Variants in OXR1 observed in about 807,000 individuals in gnomAD.
OXR1 encodes the protein oxidation resistance 1.
A neutral mutation model predicts 104.6 loss-of-function variants in OXR1; 41 were observed. The observed-to-expected ratio is 0.39, with a 90% CI of 0.31 to 0.51. The LOEUF (loss-of-function observed/expected upper bound fraction) is 0.51. Ranked by LOEUF, OXR1 falls within the 20% of genes least tolerant of loss-of-function variation. The pLI is 0.77. For synonymous variants in OXR1, 348 were observed against 348.4 expected (o/e 1.00, Z 0.01); for missense variants, 955 against 1,031.9 (o/e 0.93, Z 1.02).
At chr8:106,694,710 ATATAAATATATTTT>A (rs1228278185) in intron 7 of OXR1, among the ~76,000 whole-genome samples, 6 of 109,028 alleles carry the variant, frequency 5.5e-5, no homozygotes, top group East Asian at 5.6e-4. Flanking sequence ...TATATTTAAT[ATATAAATATATTTT>A]TATATATTTA....
chr8:106,392,291 G>A (rs766457799), intron 2 of OXR1, among the ~76,000 whole-genome samples: 42 of 152,312 alleles, frequency 2.8e-4, no homozygotes, highest in Admixed American at 7.2e-4. Context: ...CTCTAGTGGA[G>A]GACAATGGAA....
At chr8:106,499,250 T>A (rs895805195) in intron 2 of OXR1, among the ~76,000 whole-genome samples, 2 of 152,126 alleles carry the variant, frequency 1.3e-5, no homozygotes, top group Non-Finnish European at 2.9e-5. Flanking sequence ...ATAATTTTGC[T>A]TGGGAGATGA....
At chr8:106,668,830 G>A (rs1006166939) in intron 3 of OXR1, among the ~76,000 whole-genome samples, 1 of 152,130 alleles carries the variant, frequency 6.6e-6, no homozygotes, top group East Asian at 1.9e-4. Context: ...TGTCACTTAC[G>A]CAGTCTGCAG....
chr8:106,276,011 C>T (rs1812022197), intron 1 of OXR1, among the ~76,000 whole-genome samples: 1 of 152,146 alleles, frequency 6.6e-6, no homozygotes, highest in African/African-American at 2.4e-5. Context: ...GGCTTTCAGT[C>T]TTCTTTATAA....
At chr8:106,433,796 T>G (rs1424040639) in intron 2 of OXR1, among the ~76,000 whole-genome samples, 1 of 152,228 alleles carries the variant, frequency 6.6e-6, no homozygotes, top group East Asian at 1.9e-4. Context: ...ATTTCACTAT[T>G]GCTAGATTGT....
rs1167449283 is a variant in OXR1 at position 106,338,311 on chromosome 8, T to C, written c.-138-21165T>C. 2.2e-4 allele frequency among the ~76,000 whole-genome samples: 33 copies of C among 152,098 alleles called. 1 individual carries two copies. Among genetic ancestry groups the C allele is most frequent in the African/African-American group, 6.7e-4 (28 of 41,492 alleles). ...TAATCTAGGGCTGGGCGTGGTGGCT[T>C]ATACCTGTAATCCCAGCACTTTGGG... On this transcript the variant is annotated intron_variant, in intron 1 of 16. Transcript: ENST00000517566.
At chr8:106,474,129 T>G (rs1442743969) in intron 2 of OXR1, among the ~76,000 whole-genome samples, 1 of 144,192 alleles carries the variant, frequency 6.9e-6, no homozygotes, top group African/African-American at 2.5e-5. Flanking sequence ...TAAAGTTTTG[T>G]TTTTTTTTTT....
intron 1 of OXR1, among the ~76,000 whole-genome samples, chr8:106,347,935 C>T (rs951590147): frequency 2.6e-5 from 4 of 152,106 alleles, no homozygotes; most frequent in African/African-American, 7.2e-5. Context: ...TTCTGATGAA[C>T]CTTGTTATAG....
chr8:106,548,783 TTAA>T (rs1345140676), intron 3 of OXR1, among the ~76,000 whole-genome samples: 2 of 152,202 alleles, frequency 1.3e-5, no homozygotes, highest in Non-Finnish European at 2.9e-5. Context: ...TCATTTTCTA[TTAA>T]TATGAAGAGA....
intron 3 of OXR1, among the ~76,000 whole-genome samples, chr8:106,660,125 A>C (rs917200210): frequency 1.3e-5 from 2 of 152,234 alleles, no homozygotes; most frequent in Non-Finnish European, 2.9e-5. Context: ...TGGTGATTTC[A>C]AAATTCTCTA....
At chr8:106,318,700 AT>A (rs1367861544) in intron 1 of OXR1, among the ~76,000 whole-genome samples, 1 of 152,158 alleles carries the variant, frequency 6.6e-6, no homozygotes, top group East Asian at 1.9e-4. Flanking sequence ...CCTCCCTTGC[AT>A]TCCCTGGCTC....
At chr8:106,406,018 A>G (rs1480315638) in intron 2 of OXR1, among the ~76,000 whole-genome samples, 2 of 152,224 alleles carry the variant, frequency 1.3e-5, no homozygotes, top group African/African-American at 2.4e-5. Flanking sequence ...AAAAGCATGA[A>G]TAGTCTGAAA....
At chr8:106,382,694 T>G (rs992580340) in intron 2 of OXR1, among the ~76,000 whole-genome samples, 3 of 145,966 alleles carry the variant, frequency 2.1e-5, no homozygotes, top group Non-Finnish European at 3.0e-5. Flanking sequence ...TTTTTTTTTT[T>G]TTTTTTTTTT....
chr8:106,446,062 C>A (rs1220889993), intron 2 of OXR1, among the ~76,000 whole-genome samples: 2 of 152,186 alleles, frequency 1.3e-5, no homozygotes, highest in Admixed American at 6.5e-5. Flanking sequence ...TGAAAGTTTT[C>A]TTTTCCAGTC....
At chr8:106,398,936 T>A (rs1455556008) in intron 2 of OXR1, among the ~76,000 whole-genome samples, 1 of 152,142 alleles carries the variant, frequency 6.6e-6, no homozygotes, top group Non-Finnish European at 1.5e-5. Context: ...CATCTGGGGA[T>A]TTTTTTCTCA....
intron 2 of OXR1, among the ~76,000 whole-genome samples, chr8:106,391,194 G>C (rs924771519): frequency 1.3e-5 from 2 of 152,060 alleles, no homozygotes; most frequent in African/African-American, 4.8e-5. Flanking sequence ...TGAATCATGA[G>C]GATTCATTAG....
chr8:106,270,387 G>A lies in OXR1; in HGVS notation c.-139+20G>A. On this transcript the variant is annotated intron_variant, in intron 1 of 16. Coordinates refer to ENST00000517566, the MANE Select transcript of OXR1 (RefSeq NM_001198533.2). ...CCGCAAGTAAGTTTGTGAGGCTGCT[G>A]GGCGTTAGGGCGAGGGCTTGGCGCC... The A allele has an allele frequency of 6.6e-6, 1 of 152,316 alleles. No homozygotes were observed. The highest frequency in any genetic ancestry group is 1.5e-5 in the Non-Finnish European group (1 of 68,118). 9.4% of individuals were successfully genotyped at this position (152,316 alleles called of 1,614,324 possible).
chr8:106,685,233 A>G (rs1828582804), intron 6 of OXR1, among the ~76,000 whole-genome samples: 1 of 152,164 alleles, frequency 6.6e-6, no homozygotes, highest in African/African-American at 2.4e-5. Context: ...TACCTTTTTG[A>G]ACATAGCCAT....
intron 2 of OXR1, among the ~76,000 whole-genome samples, chr8:106,361,554 C>T (rs770742472): frequency 3.5e-4 from 54 of 152,176 alleles, no homozygotes; most frequent in Middle Eastern, 3.2e-3. Flanking sequence ...GCATGCAAAA[C>T]GAGTCACTGA....
Sources: gnomAD v4.1 joint callset for allele counts (sites outside exome capture counted in the v4.1 genomes callset) on GRCh38, gnomAD v4.1.1 for gene constraint, MANE v1.5 for transcripts, NCBI Gene and HGNC (gene_info 2026-07-23, HGNC 2026-07-21) for gene names.